The following RIPOR2 variants were observed in gnomAD, a reference collection of about 807,000 sequenced individuals.
The protein encoded by RIPOR2 is RHO family interacting cell polarization regulator 2, also known as rho family-interacting cell polarization regulator 2.
Under a neutral mutation model 114.5 loss-of-function variants are expected in RIPOR2, and 39 were observed. The ratio of observed to expected loss-of-function variants is 0.34; its 90% CI spans 0.26 to 0.44. The LOEUF is 0.44. Among genes scored for constraint, RIPOR2 ranks in the 20% least tolerant of loss-of-function variants. The probability of loss-of-function intolerance (pLI) is 1.00; values close to 1 mark genes in which losing one functional copy is unlikely to be tolerated. For synonymous variants in RIPOR2, 445 were observed against 484.4 expected, an observed-to-expected ratio of 0.92 and a Z score of 1.07; for missense variants, 1,007 against 1,255.1, an observed-to-expected ratio of 0.80 and a Z score of 2.99.
intron 1 of RIPOR2, among the ~76,000 whole-genome samples, chr6:24,897,677 T>C (rs1157880683): frequency 6.6e-6 from 1 of 152,206 alleles, no homozygotes; most frequent in African/African-American, 2.4e-5. Flanking sequence ...TCCGAGGCAA[T>C]TTCATGCCAT....
At chr6:24,999,768 G>C (rs1185306097) in intron 1 of RIPOR2, among the ~76,000 whole-genome samples, 1 of 152,092 alleles carries the variant, frequency 6.6e-6, no homozygotes, top group African/African-American at 2.4e-5. Context: ...GTGTTAGCCT[G>C]GATGGTCTTG....
At chr6:24,994,174 G>T (rs1322050121) in intron 1 of RIPOR2, among the ~76,000 whole-genome samples, 1 of 152,116 alleles carries the variant, frequency 6.6e-6, no homozygotes, top group Non-Finnish European at 1.5e-5. Flanking sequence ...TAAGGTGATA[G>T]GAATAAGAGG....
chr6:24,885,161 A>C (rs959052330), intron 1 of RIPOR2, among the ~76,000 whole-genome samples: 1 of 152,204 alleles, frequency 6.6e-6, no homozygotes, highest in Non-Finnish European at 1.5e-5. Context: ...CGGATTGGAG[A>C]CAATTTTTCA....
intron 1 of RIPOR2, among the ~76,000 whole-genome samples, chr6:24,919,150 C>T (rs1443615164): frequency 6.6e-6 from 1 of 152,208 alleles, no homozygotes; most frequent in Admixed American, 6.5e-5. Flanking sequence ...GCCCCTCTTT[C>T]CTTCTCTGCT....
At chr6:24,807,053 T>A (rs1226312176) in intron 21 of RIPOR2, among the ~76,000 whole-genome samples, 1 of 152,248 alleles carries the variant, frequency 6.6e-6, no homozygotes, top group Non-Finnish European at 1.5e-5. Context: ...TGTTTTGTTC[T>A]ATTTTTCTAC....
chr6:24,990,309 G>A (rs968074502), intron 1 of RIPOR2, among the ~76,000 whole-genome samples: 1 of 152,214 alleles, frequency 6.6e-6, no homozygotes, highest in African/African-American at 2.4e-5. Flanking sequence ...GTGGATATTT[G>A]CAAAAACATC....
intron 2 of RIPOR2, among the ~76,000 whole-genome samples, chr6:24,874,475 G>T (rs1765524344): frequency 1.3e-5 from 2 of 152,192 alleles, no homozygotes. Context: ...AATGTTCCCA[G>T]ATCTGAGCCA....
intron 1 of RIPOR2, among the ~76,000 whole-genome samples, chr6:24,978,695 C>T (rs1774175308): frequency 6.6e-6 from 1 of 152,188 alleles, no homozygotes; most frequent in African/African-American, 2.4e-5. Context: ...ATCCTAAATT[C>T]TACTTAGTTG....
chr6:24,834,536 A>G (rs908083876), intron 15 of RIPOR2, among the ~76,000 whole-genome samples: 5 of 151,704 alleles, frequency 3.3e-5, no homozygotes, highest in East Asian at 1.9e-4. Flanking sequence ...TGAAAATCCT[A>G]TTTGTTTTAG....
chr6:24,834,023 T>A (rs962749015), intron 15 of RIPOR2, among the ~76,000 whole-genome samples: 1 of 152,192 alleles, frequency 6.6e-6, no homozygotes. Context: ...GCTGTCTCGT[T>A]CAAATGGTTG....
At chr6:24,944,809 T>C (rs495157) in intron 1 of RIPOR2, among the ~76,000 whole-genome samples, 26,370 of 152,054 alleles carry the variant, frequency 0.17, 2,448 homozygotes, top group East Asian at 0.34. Context: ...AAAAGTGACT[T>C]GCCATATACA....
chr6:24,809,120 A>AAGAAT (rs893731447), intron 21 of RIPOR2, among the ~76,000 whole-genome samples: 2 of 152,210 alleles, frequency 1.3e-5, no homozygotes, highest in African/African-American at 4.8e-5. Context: ...GTCCCCAAAA[A>AAGAAT]AGAATAAATG....
chr6:24,890,958 C>CA lies in RIPOR2; in HGVS notation c.62-15142dup, dbSNP rs34772879. ...TGCACCTGGCTCCCATAAATTTATA[C>CA]AAAAAAAAAATTACCTTGGTCTTTC... On this transcript the variant is annotated intron_variant, in intron 1 of 21. Transcript: ENST00000643898. Among the ~76,000 whole-genome samples the CA allele has an allele frequency of 2.8e-3, 423 of 149,420 alleles. 3 individuals carry two copies. The highest frequency in any genetic ancestry group is 0.019 in the South Asian group (93 of 4,780).
intron 1 of RIPOR2, among the ~76,000 whole-genome samples, chr6:24,927,128 ATC>A (rs1561782357): frequency 0.034 from 42 of 1,218 alleles, 11 homozygotes; most frequent in East Asian, 0.14. Flanking sequence ...TATAATCATC[ATC>A]TCACTACCAC....
intron 15 of RIPOR2, among the ~76,000 whole-genome samples, chr6:24,834,481 C>G (rs1442938089): frequency 2.6e-5 from 4 of 151,968 alleles, no homozygotes; most frequent in Non-Finnish European, 5.9e-5. Context: ...TTTTTCTTTT[C>G]TTTTCTTTTT....
At chr6:25,027,114 A>T (rs1027233721) in intron 1 of RIPOR2, among the ~76,000 whole-genome samples, 3 of 152,254 alleles carry the variant, frequency 2.0e-5, no homozygotes, top group Non-Finnish European at 4.4e-5. Context: ...GCTCATTAAG[A>T]ACTTGCTGAT....
chr6:24,929,360 T>A (rs1414860748), intron 1 of RIPOR2: 5 of 152,210 alleles, frequency 3.3e-5, no homozygotes, highest in Non-Finnish European at 5.9e-5. Context: ...GGTGTGCAGA[T>A]GTTATGGAAT....
In RIPOR2 at chr6:24,830,645, C is replaced by T. The variant is rs1302666889; in HGVS notation, c.2370G>A (p.Leu790=). Residue 790 remains leucine, a synonymous_variant, in exon 17 of 22, where the codon CTG becomes CTA. Coordinates refer to ENST00000643898, the MANE Select transcript of RIPOR2 (RefSeq NM_001286445.3). ...VEAIPEFHKK[L]SLLSFWTKCC... is the part of the protein sequence containing the mutation. ...ACTTGGTCCAGAATGACAGCAAAGA[C>T]AGCTTTTTGTGAAATTCTGGTATGG... 6.4e-7 allele frequency: 1 copy of T among 1,551,190 alleles called. No homozygotes were observed. Among genetic ancestry groups the T allele is most frequent in the Non-Finnish European group, 8.7e-7 (1 of 1,146,938 alleles).
rs1561847774 is a variant in RIPOR2, at chr6:25,020,943, G to A, written c.76+20908C>T. On this transcript the variant is annotated intron_variant, in intron 1 of 13. Transcript: ENST00000510784. ...GTGATCTTGGCCCACGGCAACCTCCGTCTTCTGGGTTCAAATGATTCTCCT... is the reference window on the plus strand; with the variant it reads ...GTGATCTTGGCCCACGGCAACCTCCATCTTCTGGGTTCAAATGATTCTCCT... Among the ~76,000 whole-genome samples the A allele has an allele frequency of 5.3e-5, 8 of 152,046 alleles. No homozygotes were observed. The South Asian group carries it at 1.7e-3, about 31-fold the overall frequency.
Sources: allele counts gnomAD v4.1 joint callset (sites outside exome capture counted in the v4.1 genomes callset), GRCh38; gene constraint gnomAD v4.1.1; transcripts MANE v1.5; gene names NCBI Gene and HGNC (gene_info 2026-07-23, HGNC 2026-07-21).